CLECL1: variants seen among roughly 807,000 people sequenced by gnomAD.
CLECL1 encodes C-type lectin-like domain family 1.
chr12:9,733,360 T>C, upstream of CLECL1: 2 of 802,096 alleles, frequency 2.5e-6, no homozygotes, highest in Admixed American at 2.5e-5. Flanking sequence ...CATTTTCTCC[T>C]ATAGACCACT....
chr12:9,705,642 C>T, the CLECL1 span, among the ~76,000 whole-genome samples: 2 of 152,118 alleles, frequency 1.3e-5, no homozygotes, highest in Non-Finnish European at 2.9e-5. Flanking sequence ...TCTCCCAGCA[C>T]TATTTACAGG....
At chr12:9,721,647 G>A (rs78385514), downstream of CLECL1, among the ~76,000 whole-genome samples, 2,638 of 152,214 alleles carry the variant, frequency 0.017, 86 homozygotes, top group African/African-American at 0.06. Flanking sequence ...CATTCATTGC[G>A]CAATGGCTCC....
At chr12:9,733,291 T>C, upstream of CLECL1, 1 of 1,495,690 alleles carries the variant, frequency 6.7e-7, no homozygotes, top group Non-Finnish European at 9.2e-7. Context: ...TTTCAGTTAG[T>C]TTTCTGCCTA....
chr12:9,729,295 G>T (rs1388647567), intron 2 of CLECL1, among the ~76,000 whole-genome samples: 1 of 152,110 alleles, frequency 6.6e-6, no homozygotes, highest in Non-Finnish European at 1.5e-5. Context: ...AGAGACATCT[G>T]TGTATATCCC....
At chr12:9,724,510 A>G (rs1021169158) in intron 3 of CLECL1, among the ~76,000 whole-genome samples, 9 of 152,208 alleles carry the variant, frequency 5.9e-5, no homozygotes, top group African/African-American at 2.2e-4. Flanking sequence ...CTCAGCAAAG[A>G]AGGACAGTAG....
At chr12:9,712,344 A>G (rs1382319815), downstream of CLECL1, among the ~76,000 whole-genome samples, 1 of 152,182 alleles carries the variant, frequency 6.6e-6, no homozygotes, top group African/African-American at 2.4e-5. Context: ...ACTCAGTAAA[A>G]CGTGAAGGTT....
chr12:9,716,835 A>C, intron 2 of CLECL1: 3 of 971,898 alleles, frequency 3.1e-6, no homozygotes. Context: ...TTTGAGGCAA[A>C]ACTACTGAAT....
At chr12:9,733,286 G>A, upstream of CLECL1, 1 of 1,527,984 alleles carries the variant, frequency 6.5e-7, no homozygotes, top group Non-Finnish European at 8.9e-7. Context: ...TCGTTTTTCA[G>A]TTAGTTTTCT....
downstream of CLECL1, among the ~76,000 whole-genome samples, chr12:9,718,067 A>G (rs1358427828): frequency 6.6e-6 from 1 of 152,006 alleles, no homozygotes; most frequent in Admixed American, 6.6e-5. Flanking sequence ...TTTGGCCTAT[A>G]CATTATTTAA....
intron 3 of CLECL1, among the ~76,000 whole-genome samples, chr12:9,723,788 C>T (rs1405740033): frequency 1.3e-5 from 2 of 152,114 alleles, no homozygotes; most frequent in Non-Finnish European, 2.9e-5. Flanking sequence ...CTGATGCAAG[C>T]ACAAGCCAGG....
the CLECL1 span, chr12:9,709,271 G>A: frequency 6.6e-6 from 1 of 152,386 alleles, no homozygotes; most frequent in East Asian, 1.9e-4. Flanking sequence ...CCCCAACAGG[G>A]GAGCCAGCTC....
At chr12:9,726,711 A>G (rs187915875) in intron 3 of CLECL1, among the ~76,000 whole-genome samples, 32 of 152,134 alleles carry the variant, frequency 2.1e-4, no homozygotes, top group Admixed American at 2.1e-3. Flanking sequence ...CACCTCTATA[A>G]CAATAGAATA....
At chr12:9,720,270 G>A (rs962145008), downstream of CLECL1, among the ~76,000 whole-genome samples, 11 of 151,958 alleles carry the variant, frequency 7.2e-5, no homozygotes, top group Non-Finnish European at 2.9e-5. Context: ...ACACACAGTA[G>A]GTCTTTTAGT....
At chr12:9,706,821 T>C in the CLECL1 span, among the ~76,000 whole-genome samples, 1 of 152,202 alleles carries the variant, frequency 6.6e-6, no homozygotes, top group Admixed American at 6.5e-5. Flanking sequence ...TGTCTTTTTG[T>C]TTGTATTTCT....
downstream of CLECL1, among the ~76,000 whole-genome samples, chr12:9,719,281 C>T (rs915479247): frequency 2.6e-5 from 4 of 152,092 alleles, no homozygotes; most frequent in Admixed American, 2.0e-4. Context: ...AATCCCAGTA[C>T]TTTGGGAGGC....
At chr12:9,722,722 C>T in exon 4 of CLECL1, 1 of 1,613,926 alleles carries the variant, frequency 6.2e-7, no homozygotes, top group Non-Finnish European at 8.5e-7. Context: ...TCCAAGATTT[C>T]TTAGTTTCAG....
At chr12:9,730,218 C>G (rs925125004) in intron 1 of CLECL1, among the ~76,000 whole-genome samples, 4 of 152,158 alleles carry the variant, frequency 2.6e-5, no homozygotes, top group Non-Finnish European at 5.9e-5. Context: ...CCTCAGGTCT[C>G]TTGACTACCA....
downstream of CLECL1, chr12:9,718,566 T>TTTTTTTTTTTTTTTTTTTTGA (rs1555111691): frequency 2.0e-6 from 1 of 499,606 alleles, no homozygotes; most frequent in Admixed American, 3.8e-5. Flanking sequence ...ATTCATATTT[T>TTTTTTTTTTTTTTTTTTTTGA]GAAGTCCTAA....
the CLECL1 span, chr12:9,709,060 A>G: frequency 7.7e-3 from 1,283 of 165,766 alleles, 13 homozygotes; most frequent in African/African-American, 0.025. Flanking sequence ...ATTCATTTCA[A>G]TACCACTTGG....
Sources: allele counts gnomAD v4.1 joint callset (sites outside exome capture counted in the v4.1 genomes callset), GRCh38; gene constraint gnomAD v4.1.1; transcripts MANE v1.5; gene names NCBI Gene and HGNC (gene_info 2026-07-23, HGNC 2026-07-21).